The following CIC variants were observed in gnomAD, a reference collection of about 807,000 sequenced individuals.
The protein encoded by CIC is protein capicua homolog.
Under a neutral mutation model 115.7 loss-of-function variants are expected in CIC, and 18 were observed. The observed-to-expected ratio is 0.16, with a 90% CI of 0.11 to 0.23. The LOEUF is 0.23. Ranked by LOEUF, CIC falls within the 10% of genes least tolerant of loss-of-function variation. The pLI is 1.00. For synonymous variants in CIC, 1,076 were observed against 923.0 expected (o/e 1.17, Z -3.01); for missense variants, 2,000 against 2,159.3 (o/e 0.93, Z 1.46).
At chr19:42,293,407 G>A in intron 16 of CIC, 126 bp downstream of exon 16, 1 of 1,349,920 alleles carries the variant, frequency 7.4e-7, no homozygotes, top group Non-Finnish European at 1.0e-6. Context: ...GGTCCCCTCT[G>A]TCCCTTCTGC....
chr19:42,291,920 C>T (rs1175699129), intron 12 of CIC, among the ~76,000 whole-genome samples, 166 bp from the exon 13 acceptor site: 1 of 152,198 alleles, frequency 6.6e-6, no homozygotes, highest in African/African-American at 2.4e-5. Context: ...CTGTACCCTC[C>T]TCCTTCTCTG....
rs950417682 is a variant in CIC, at chr19:42,295,524, C to T, written c.*333C>T. 78 of 297,932 alleles carry T rather than the reference C, an allele frequency of 2.6e-4. No homozygotes were observed. The highest frequency in any genetic ancestry group is 7.5e-5 in the South Asian group (1 of 13,296). The allele number at this position is 297,932 out of a possible 1,614,324, so 18.5% of individuals were successfully genotyped here. A position where few individuals can be genotyped will look rare whatever the true frequency, so the allele number is the denominator to read the frequency against. ...GTGCAGGCCTTGGGCCACAGGGAGG[C>T]GCCTGTGGAATAGGGGGAGTTCATG... is the stretch of plus-strand genomic sequence containing the variant. On this transcript the variant is annotated 3_prime_UTR_variant, in exon 21 of 21. Coordinates refer to ENST00000681038, the MANE Select transcript of CIC (RefSeq NM_001386298.1).
In CIC at chr19:42,291,081, G is replaced by T; in HGVS notation, c.5040G>T (p.Gly1680=). 6.2e-7 allele frequency: 1 copy of T among 1,613,748 alleles called. No homozygotes were observed. Among genetic ancestry groups the T allele is most frequent in the Non-Finnish European group, 8.5e-7 (1 of 1,179,864 alleles). The stretch of plus-strand genomic sequence containing the variant: ...TACTGGTGGGCACCCCGGGGTATGG[G>T]GCCCCTGCGCCCCCTGCTGTCCAGT... ...TNLLVGTPGY[G]APAPPAVQFI... Residue 1680 remains glycine, a synonymous_variant, in exon 11 of 21, where the codon GGG becomes GGT. Coordinates refer to ENST00000681038, the MANE Select transcript of CIC (RefSeq NM_001386298.1).
chr19:42,292,685 A>G lies in CIC; in HGVS notation c.6022A>G (p.Ser2008Gly). ...TGTCATAACAGCATTTTACTCTGGC[A>G]GCCCTGCACCCACCTCCTCAGCACC... ...GPVITAFYSGSPAPTSSAPLA... is the reference protein window; with the variant it reads ...GPVITAFYSGGPAPTSSAPLA... The change falls in exon 15 of 21, where the codon AGC (serine) becomes GGC (glycine). Residue 2008 changes from serine to glycine, a missense_variant. This residue lies in a region of CIC where 1,466 missense variants were observed against 1,390.4 expected (regional missense o/e 1.05). Coordinates refer to ENST00000681038, the MANE Select transcript of CIC (RefSeq NM_001386298.1). The G allele has an allele frequency of 6.2e-7, 1 of 1,613,842 alleles. No homozygotes were observed. The highest frequency in any genetic ancestry group is 8.5e-7 in the Non-Finnish European group (1 of 1,179,948).
rs1386032914 is a variant in CIC at position 42,295,216 on chromosome 19, C to T, written c.*25C>T. On this transcript the variant is annotated 3_prime_UTR_variant, in exon 21 of 21. Coordinates refer to ENST00000681038, the MANE Select transcript of CIC (RefSeq NM_001386298.1). ...AGGGACCCCTGAGAAGATGCCAGGA[C>T]TTATAGTACCCCCTCAGGACATGGA... 1 of 1,529,088 alleles carries T rather than the reference C, an allele frequency of 6.5e-7. No homozygotes were observed. Among genetic ancestry groups the T allele is most frequent in the Non-Finnish European group, 8.7e-7 (1 of 1,142,930 alleles). The allele number at this position is 1,529,088 out of a possible 1,614,324, so 94.7% of individuals were successfully genotyped here. A position where few individuals can be genotyped will look rare whatever the true frequency, so the allele number is the denominator to read the frequency against.
intron 1 of CIC, among the ~76,000 whole-genome samples, chr19:42,271,022 G>T (rs1473922379): frequency 1.5e-5 from 2 of 129,342 alleles, no homozygotes; most frequent in Non-Finnish European, 3.2e-5. Context: ...ACTCTCAGCT[G>T]CCCACTTCTT....
rs1390494320 is a variant in CIC, at chr19:42,284,721, G to C, written c.2795-2050G>C. 2.6e-6 allele frequency: 4 copies of C among 1,554,612 alleles called. No individual in the cohort carries two copies. The highest frequency in any genetic ancestry group is 2.6e-6 in the Non-Finnish European group (3 of 1,152,602). The stretch of plus-strand genomic sequence containing the variant: ...CGCCGGACCATGTATTCGGCCCACA[G>C]GCCCCTGATGCCCGCGTCCAGCGCG... On this transcript the variant is annotated intron_variant, in intron 2 of 20. Coordinates refer to ENST00000681038, the MANE Select transcript of CIC (RefSeq NM_001386298.1).
chr19:42,288,008 A>C (rs1599897043), intron 7 of CIC, 33 bp downstream of exon 7: 1 of 1,561,134 alleles, frequency 6.4e-7, no homozygotes, highest in Non-Finnish European at 8.7e-7. Context: ...CCACCCTGCC[A>C]CCTCCCTCCC....
At chr19:42,293,307 C>T (rs1335812761) in intron 16 of CIC, 26 bp downstream of exon 16, 1 of 1,546,270 alleles carries the variant, frequency 6.5e-7, no homozygotes, top group Admixed American at 1.9e-5. Flanking sequence ...CCGTGGGGCT[C>T]CCACTGCCAC....
Position 42,287,545 on chromosome 19 carries a change from C to T in CIC, c.3310C>T (p.Arg1104Trp), listed in dbSNP as rs2147194903. The change falls in exon 6 of 21, where the codon CGG becomes TGG. Residue 1104 changes from arginine (R) to tryptophan (W), a missense_variant and splice_region_variant. Arg to Trp is a moderately radical substitution (Grantham distance 101, BLOSUM62 -3). Around this residue, in one of 8 missense-constraint regions of CIC, gnomAD observed 222 missense variants for 247.7 expected, o/e 0.90. Transcript: ENST00000681038. The surrounding 1 kb of genome is among the most constrained non-coding windows in gnomAD (Gnocchi z 8.7). ...SEKDGRSPNK[R>W]EKDHIRRPMN... is the part of the protein sequence containing the mutation. ...CCGCTCTGGGCTGTGTTTAATGCAGCGGGAGAAGGACCACATCCGGCGGCC... is the reference window on the plus strand; with the variant it reads ...CCGCTCTGGGCTGTGTTTAATGCAGTGGGAGAAGGACCACATCCGGCGGCC... 1 of 1,613,130 alleles carries T rather than the reference C, an allele frequency of 6.2e-7. No individual in the cohort carries two copies. The highest frequency in any genetic ancestry group is 8.5e-7 in the Non-Finnish European group (1 of 1,180,032).
Position 42,286,849 on chromosome 19 carries a change from C to T in CIC, c.2873C>T (p.Pro958Leu), listed in dbSNP as rs1171836614. ...SLVPFLAPSQ[P>L]DPSVQPSEAQ... is the part of the protein sequence containing the mutation. ...GTCCCCTTCCTGGCACCCAGCCAGC[C>T]TGACCCCTCCGTGCAGCCGAGCGAG... The change falls in exon 3 of 21, where the codon CCT (proline) becomes CTT (leucine). Residue 958 changes from proline to leucine, a missense_variant. Physicochemically the swap from Pro to Leu is moderately conservative, Grantham distance 98. Transcript: ENST00000681038. 1.2e-6 allele frequency: 2 copies of T among 1,613,766 alleles called. No homozygotes were observed. Among genetic ancestry groups the T allele is most frequent in the Non-Finnish European group, 1.7e-6 (2 of 1,179,996 alleles).
At position 42,287,507 on chromosome 19, in the gene CIC, G is replaced by A. The variant is rs765610879; in HGVS notation, c.3310-38G>A. On this transcript the variant is annotated intron_variant, in intron 5 of 20. Transcript: ENST00000681038. This position sits in a 1 kb window ranked among gnomAD's most constrained non-coding sequence, Gnocchi z 8.7. ...CGTGGCCACCCACACCTGTCTGCCA[G>A]GTCCTAACTGTCCCGCTCTGGGCTG... is the stretch of plus-strand genomic sequence containing the variant. The A allele has an allele frequency of 6.2e-7, 1 of 1,612,422 alleles. No homozygotes were observed. Among genetic ancestry groups the A allele is most frequent in the Admixed American group, 1.7e-5 (1 of 60,024 alleles).
intron 18 of CIC, 39 bp downstream of exon 18, chr19:42,294,128 G>A (rs2147342324): frequency 6.2e-7 from 1 of 1,613,752 alleles, no homozygotes; most frequent in Non-Finnish European, 8.5e-7. Context: ...TTAGGTGGAG[G>A]GCAGACTGGG....
At chr19:42,269,744 TGGGGGTGACAAGGA>T (rs1203484369) in intron 1 of CIC, among the ~76,000 whole-genome samples, 3 of 59,422 alleles carry the variant, frequency 5.0e-5, no homozygotes, top group East Asian at 9.9e-4. Flanking sequence ...CAGAGATAAA[TGGGGGTGACAAGGA>T]GGGGGTGACA....
In CIC at chr19:42,289,372, C is replaced by T; in HGVS notation, c.4053C>T (p.Val1351=). 1 of 1,608,276 alleles carries T rather than the reference C, an allele frequency of 6.2e-7. No individual in the cohort carries two copies. The highest frequency in any genetic ancestry group is 8.5e-7 in the Non-Finnish European group (1 of 1,177,226). ...TGACGAGTGATGAGGAGCGCATGGT[C>T]ATCTGTGAGGAGGAAGGGGATGATG... ...EDMTSDEERM[V]ICEEEGDDDV... Residue 1351 remains valine (V), a synonymous_variant, in exon 9 of 21, where the codon GTC becomes GTT. Transcript: ENST00000681038.
At position 42,288,125 on chromosome 19, in the gene CIC, T is replaced by C. The variant is rs10413484; in HGVS notation, c.3658+150T>C. ...CCTTATCCGTAAAGGAACCGGCAGT[T>C]GATTCATGTGACGGAGCCAGGGAGA... On this transcript the variant is annotated intron_variant, in intron 7 of 20. Coordinates refer to ENST00000681038, the MANE Select transcript of CIC (RefSeq NM_001386298.1). 4 of 833,154 alleles carry C rather than the reference T, an allele frequency of 4.8e-6. No individual in the cohort carries two copies. In the South Asian group the frequency reaches 6.5e-5, roughly 14 times the overall value. The allele number at this position is 833,154 out of a possible 1,614,324, so 51.6% of individuals were successfully genotyped here.
At position 42,287,592 on chromosome 19, in the gene CIC, C is replaced by T. The variant is rs1266427820; in HGVS notation, c.3357C>T (p.Phe1119=). ...IRRPMNAFMI[F]SKRHRALVHQ... is the part of the protein sequence containing the mutation. ...GGCCCATGAATGCCTTCATGATCTT[C>T]AGCAAGCGGCACCGGGCCCTGGTCC... Residue 1119 remains phenylalanine, a synonymous_variant, in exon 6 of 21, where the codon TTC becomes TTT. Coordinates refer to ENST00000681038, the MANE Select transcript of CIC (RefSeq NM_001386298.1). This position sits in a 1 kb window ranked among gnomAD's most constrained non-coding sequence, Gnocchi z 8.7. The T allele has an allele frequency of 6.2e-7, 1 of 1,613,754 alleles. No individual in the cohort carries two copies. The highest frequency in any genetic ancestry group is 8.5e-7 in the Non-Finnish European group (1 of 1,180,046).
Position 42,293,007 on chromosome 19 carries a change from C to G in CIC, c.6248C>G (p.Pro2083Arg), listed in dbSNP as rs189391255. Reference protein sequence around the residue: ...LVAPKAQRPSPKAPQKVKAAI... With the variant: ...LVAPKAQRPSRKAPQKVKAAI... ...GCCCCCAAGGCCCAGCGGCCCAGCC[C>G]GAAGGCCCCCCAGAAAGTGAAGGCA... Residue 2083 changes from proline (P) to arginine (R), a missense_variant, in exon 16 of 21, where the codon CCG becomes CGG. By Grantham distance (103) the Pro-to-Arg change is moderately radical. This residue lies in a region of CIC where 1,466 missense variants were observed against 1,390.4 expected (regional missense o/e 1.05). Coordinates refer to ENST00000681038, the MANE Select transcript of CIC (RefSeq NM_001386298.1). 6.2e-7 allele frequency: 1 copy of G among 1,613,522 alleles called. No individual in the cohort carries two copies. The highest frequency in any genetic ancestry group is 8.5e-7 in the Non-Finnish European group (1 of 1,179,994).
In CIC at chr19:42,290,827, G is replaced by A. The variant is rs749021269; in HGVS notation, c.4786G>A (p.Ala1596Thr). The change falls in exon 11 of 21, where the codon GCC (alanine) becomes ACC (threonine). Residue 1596 changes from alanine to threonine, a missense_variant. By Grantham distance (58) the Ala-to-Thr change is moderately conservative (BLOSUM62 0). Transcript: ENST00000681038. The part of the protein sequence containing the change: ...RPVSSTPVPI[A>T]SKPFPTSGRA... ...TGTCAGCAGCACTCCTGTGCCCATC[G>A]CCTCTAAGCCCTTCCCCACCTCTGG... The A allele has an allele frequency of 1.2e-6, 2 of 1,608,848 alleles. No homozygotes were observed. Among genetic ancestry groups the A allele is most frequent in the Non-Finnish European group, 1.7e-6 (2 of 1,178,020 alleles).
Sources: gnomAD v4.1 joint callset for allele counts (sites outside exome capture counted in the v4.1 genomes callset) on GRCh38, gnomAD v4.1.1 for gene constraint, gnomAD v4.1.1 regional missense constraint, Gnocchi (gnomAD v3.1) non-coding constraint, MANE v1.5 for transcripts, NCBI Gene and HGNC (gene_info 2026-07-23, HGNC 2026-07-21) for gene names.